GRIK2: variants seen among roughly 807,000 people sequenced by gnomAD.
GRIK2 encodes the protein glutamate receptor ionotropic, kainate 2.
A neutral mutation model predicts 100.3 loss-of-function variants in GRIK2; 32 were observed. The ratio of observed to expected loss-of-function variants is 0.32; its 90% CI spans 0.24 to 0.43. The LOEUF is 0.43. GRIK2 is among the 20% of genes least tolerant of loss of function. The pLI is 1.00. For missense variants in GRIK2, 843 were observed against 1,114.9 expected, an observed-to-expected ratio of 0.76 and a Z score of 3.47; for synonymous variants, 417 against 389.4, an observed-to-expected ratio of 1.07 and a Z score of -0.83.
At chr6:101,875,877 G>A (rs563837003) in intron 11 of GRIK2, among the ~76,000 whole-genome samples, 24 of 151,816 alleles carry the variant, frequency 1.6e-4, no homozygotes, top group African/African-American at 5.5e-4. Context: ...TGATTCTTTC[G>A]TGTTTAGATT....
chr6:101,542,727 T>G lies in GRIK2; in HGVS notation c.116-79222T>G, dbSNP rs115487986. Among the ~76,000 whole-genome samples, 380 of 152,264 alleles carry G rather than the reference T, an allele frequency of 2.5e-3. 2 individuals carry two copies. Among genetic ancestry groups the G allele is most frequent in the African/African-American group, 8.7e-3 (361 of 41,580 alleles). Reference sequence around the variant, plus strand: ...GAAGAGTTTTATTATTATATAACTATGAGCGTGTAAGTGATGTCACAGCTC... The same window carrying G: ...GAAGAGTTTTATTATTATATAACTAGGAGCGTGTAAGTGATGTCACAGCTC... On this transcript the variant is annotated intron_variant, in intron 2 of 16. Coordinates refer to ENST00000369134, the MANE Select transcript of GRIK2 (RefSeq NM_021956.5).
At chr6:101,693,933 C>T (rs975757468) in intron 7 of GRIK2, among the ~76,000 whole-genome samples, 10 of 151,820 alleles carry the variant, frequency 6.6e-5, no homozygotes, top group African/African-American at 1.7e-4. Flanking sequence ...GTGGATATGA[C>T]GAATCACCAA....
intron 15 of GRIK2, among the ~76,000 whole-genome samples, chr6:102,047,743 C>T (rs903191252): frequency 3.3e-5 from 5 of 150,994 alleles, no homozygotes; most frequent in African/African-American, 7.3e-5. Flanking sequence ...AGCAAGACTC[C>T]ATCTCAAAGA....
At chr6:101,397,390 C>G (rs1208258130) in intron 1 of GRIK2, among the ~76,000 whole-genome samples, 1 of 152,160 alleles carries the variant, frequency 6.6e-6, no homozygotes, top group Admixed American at 6.5e-5. Context: ...TAAACATGGA[C>G]TGAAGGAGTC....
chr6:101,739,543 A>G (rs991574822), intron 7 of GRIK2, among the ~76,000 whole-genome samples: 4 of 152,242 alleles, frequency 2.6e-5, no homozygotes, highest in Non-Finnish European at 4.4e-5. Context: ...AGCTTCTCTT[A>G]AATAAGGACT....
At chr6:101,394,420 T>G (rs1245039075) in intron 1 of GRIK2, among the ~76,000 whole-genome samples, 1 of 152,208 alleles carries the variant, frequency 6.6e-6, no homozygotes, top group African/African-American at 2.4e-5. Context: ...CCACATCCTC[T>G]GATATTTTTA....
chr6:101,500,698 C>G (rs1773703771), intron 2 of GRIK2, among the ~76,000 whole-genome samples: 1 of 151,970 alleles, frequency 6.6e-6, no homozygotes, highest in African/African-American at 2.4e-5. Context: ...CTATATAAGA[C>G]TAAAATTATT....
chr6:101,650,981 T>C (rs1231051427), intron 4 of GRIK2, among the ~76,000 whole-genome samples: 2 of 145,356 alleles, frequency 1.4e-5, no homozygotes, highest in Non-Finnish European at 3.0e-5. Context: ...TAGAATGAAC[T>C]CTTTTTGTAT....
chr6:101,910,250 A>G (rs1419800517), intron 12 of GRIK2, among the ~76,000 whole-genome samples: 1 of 151,186 alleles, frequency 6.6e-6, no homozygotes, highest in Non-Finnish European at 1.5e-5. Flanking sequence ...ACTAAAAACT[A>G]TTATCTGCAA....
At chr6:101,726,478 C>T (rs577194774) in intron 7 of GRIK2, among the ~76,000 whole-genome samples, 11 of 152,048 alleles carry the variant, frequency 7.2e-5, no homozygotes, top group African/African-American at 2.4e-4. Context: ...TGCATACAAA[C>T]AGGAATCAAT....
intron 2 of GRIK2, among the ~76,000 whole-genome samples, chr6:101,614,065 A>C (rs1779795477): frequency 6.6e-6 from 1 of 151,638 alleles, no homozygotes; most frequent in Admixed American, 6.6e-5. Context: ...AATGTGTAGT[A>C]ATAAAGGCAA....
At chr6:101,498,705 T>G (rs911202053) in intron 2 of GRIK2, among the ~76,000 whole-genome samples, 1 of 152,032 alleles carries the variant, frequency 6.6e-6, no homozygotes, top group Non-Finnish European at 1.5e-5. Flanking sequence ...GCCCACTTTT[T>G]GATGGGGTTG....
intron 2 of GRIK2, among the ~76,000 whole-genome samples, chr6:101,442,473 T>A (rs768152751): frequency 5.9e-5 from 9 of 152,126 alleles, no homozygotes; most frequent in Non-Finnish European, 1.0e-4. Flanking sequence ...GGAGCCCTTT[T>A]TTACTTGGCT....
At chr6:101,766,012 T>G (rs1446094421) in intron 7 of GRIK2, among the ~76,000 whole-genome samples, 1 of 152,168 alleles carries the variant, frequency 6.6e-6, no homozygotes, top group African/African-American at 2.4e-5. Flanking sequence ...TAAACTGTTC[T>G]TGATTAAAGT....
intron 2 of GRIK2, among the ~76,000 whole-genome samples, chr6:101,503,746 TA>T (rs1258101858): frequency 6.6e-6 from 1 of 152,182 alleles, no homozygotes; most frequent in Admixed American, 6.6e-5. Context: ...CATGTTCTTT[TA>T]ACACTTTTCC....
intron 4 of GRIK2, among the ~76,000 whole-genome samples, chr6:101,672,135 G>A (rs1562299443): frequency 6.6e-6 from 1 of 152,132 alleles, no homozygotes; most frequent in African/African-American, 2.4e-5. Context: ...TTGAGTGGCG[G>A]TTTGTATTTT....
chr6:101,678,710 T>C (rs141807887), intron 5 of GRIK2, among the ~76,000 whole-genome samples: 2 of 152,280 alleles, frequency 1.3e-5, no homozygotes, highest in Non-Finnish European at 2.9e-5. Context: ...TCCTAAGACA[T>C]GGTATAGGAG....
chr6:102,063,428 A>T (rs1157675731), intron 16 of GRIK2, among the ~76,000 whole-genome samples: 1 of 150,812 alleles, frequency 6.6e-6, no homozygotes, highest in African/African-American at 2.4e-5. Flanking sequence ...TGAGCATAAA[A>T]GTTAAATCAT....
At chr6:101,899,675 C>A (rs1399530113) in intron 12 of GRIK2, among the ~76,000 whole-genome samples, 3 of 152,050 alleles carry the variant, frequency 2.0e-5, no homozygotes, top group African/African-American at 7.2e-5. Flanking sequence ...GAGATGAACG[C>A]ATTTGCAGTA....
Sources: allele counts gnomAD v4.1 joint callset (sites outside exome capture counted in the v4.1 genomes callset), GRCh38; gene constraint gnomAD v4.1.1; transcripts MANE v1.5; gene names NCBI Gene and HGNC (gene_info 2026-07-23, HGNC 2026-07-21).